The following GLTP variants were observed in gnomAD, a reference collection of about 807,000 sequenced individuals.
The protein encoded by GLTP is glycolipid transfer protein.
GLTP carries 22 observed loss-of-function variants against 24.0 expected under a neutral mutation model. The ratio of observed to expected loss-of-function variants is 0.92; its 90% CI spans 0.65 to 1.31. GLTP has a LOEUF of 1.31. Ranked by LOEUF, GLTP falls within the 50% of genes most tolerant of loss-of-function variation. GLTP has a pLI of 0.00. For synonymous variants in GLTP, 92 were observed against 115.9 expected, an observed-to-expected ratio of 0.79 and a Z score of 1.33; for missense variants, 224 against 276.6, an observed-to-expected ratio of 0.81 and a Z score of 1.35.
chr12:109,851,294 T>C lies in GLTP; in HGVS notation c.*1261A>G, dbSNP rs755804683. The C allele has an allele frequency of 6.6e-5, 10 of 152,392 alleles. No homozygotes were observed. Among genetic ancestry groups the C allele is most frequent in the African/African-American group, 2.2e-4 (9 of 41,430 alleles). The allele number at this position is 152,392 out of a possible 1,614,324, so 9.4% of individuals were successfully genotyped here. On this transcript the variant is annotated 3_prime_UTR_variant, in exon 5 of 5. Transcript: ENST00000318348. ...TCTATGGTCAATTGTTTGTGCCCTA[T>C]AGCTTTGAAAGAAACGCCTCTTGGT... is the stretch of plus-strand genomic sequence containing the variant.
chr12:109,866,917 G>C (rs1868546149), intron 1 of GLTP, among the ~76,000 whole-genome samples: 1 of 143,292 alleles, frequency 7.0e-6, no homozygotes, highest in Admixed American at 7.4e-5. Context: ...GCACCACCAT[G>C]CTGGGCTAAT....
chr12:109,859,665 TA>T (rs1054390200), intron 1 of GLTP: 16 of 151,124 alleles, frequency 1.1e-4, no homozygotes, highest in African/African-American at 3.9e-4. Context: ...AATAAGGATA[TA>T]AAGAATTTTT....
rs1332019133 is a variant in GLTP, at chr12:109,851,590, C to T, written c.*965G>A. The stretch of plus-strand genomic sequence containing the variant: ...ATACAGCGAGAGCCTCATAAGGTCA[C>T]GTGCTTTTTTTTCTTTTTTTTCTTT... On this transcript the variant is annotated 3_prime_UTR_variant, in exon 5 of 5. Transcript: ENST00000318348. 1.3e-5 allele frequency: 2 copies of T among 152,038 alleles called. No individual in the cohort carries two copies. Among genetic ancestry groups the T allele is most frequent in the Admixed American group, 6.6e-5 (1 of 15,242 alleles). The allele number at this position is 152,038 out of a possible 1,614,324, so 9.4% of individuals were successfully genotyped here.
In GLTP at chr12:109,878,096, A is replaced by C. The variant is rs866167221; in HGVS notation, c.103+2176T>G. Reference sequence around the variant, plus strand: ...ACCCCACAGCACAGGGATTGCAACAAAGACAAGGGTCCTTTGAGACCAAGG... The same window carrying C: ...ACCCCACAGCACAGGGATTGCAACACAGACAAGGGTCCTTTGAGACCAAGG... On this transcript the variant is annotated intron_variant, in intron 1 of 4. Coordinates refer to ENST00000318348, the MANE Select transcript of GLTP (RefSeq NM_016433.4). 1.1e-4 allele frequency among the ~76,000 whole-genome samples: 17 copies of C among 152,272 alleles called. No individual in the cohort carries two copies. In the Middle Eastern group the frequency reaches 0.017, roughly 152 times the overall value.
intron 1 of GLTP, among the ~76,000 whole-genome samples, chr12:109,869,303 CAAA>C (rs140914540): frequency 4.1e-5 from 2 of 49,036 alleles, no homozygotes; most frequent in Non-Finnish European, 3.5e-5. Context: ...GGCTCTACCT[CAAA>C]AAAAAAAAAA....
intron 1 of GLTP, among the ~76,000 whole-genome samples, chr12:109,869,120 T>C (rs185675007): frequency 1.3e-5 from 2 of 151,966 alleles, no homozygotes; most frequent in Admixed American, 6.6e-5. Context: ...GCCAACATAG[T>C]GTGAACCCGT....
chr12:109,878,538 C>T (rs1242861664), intron 1 of GLTP, among the ~76,000 whole-genome samples: 1 of 152,074 alleles, frequency 6.6e-6, no homozygotes, highest in Non-Finnish European at 1.5e-5. Context: ...GATTCTGAAT[C>T]CCTGTCCAGG....
rs140738777 is a variant in GLTP, at chr12:109,878,603, C to CA, written c.103+1668dup. 2.0e-3 allele frequency among the ~76,000 whole-genome samples: 292 copies of CA among 144,220 alleles called. 2 individuals are homozygous for CA. The East Asian group carries it at 0.023, about 11-fold the overall frequency. 94.6% of individuals were successfully genotyped at this position (144,220 alleles called of 152,430 possible). A position where few individuals can be genotyped will look rare whatever the true frequency, so the allele number is the denominator to read the frequency against. ...TGCAACCAAAGAGGAAACAAGCAAG[C>CA]AAAAAAAAAACAACAACAACCAACA... is the stretch of plus-strand genomic sequence containing the variant. On this transcript the variant is annotated intron_variant, in intron 1 of 4. Transcript: ENST00000318348.
At chr12:109,872,966 T>A (rs893637313) in intron 1 of GLTP, among the ~76,000 whole-genome samples, 4 of 152,230 alleles carry the variant, frequency 2.6e-5, no homozygotes, top group Non-Finnish European at 5.9e-5. Context: ...CCGCTTTGAA[T>A]GTGGCCCAAT....
At chr12:109,871,893 A>T (rs1868731676) in intron 1 of GLTP, among the ~76,000 whole-genome samples, 1 of 152,180 alleles carries the variant, frequency 6.6e-6, no homozygotes, top group South Asian at 2.1e-4. Context: ...GCCCCAAGGG[A>T]TTCACAGTGG....
chr12:109,856,025 C>T (rs1212446470), intron 3 of GLTP, among the ~76,000 whole-genome samples: 1 of 151,968 alleles, frequency 6.6e-6, no homozygotes, highest in African/African-American at 2.4e-5. Flanking sequence ...GTAAGATCCA[C>T]GAGGGGTGGG....
intron 4 of GLTP, among the ~76,000 whole-genome samples, chr12:109,853,581 G>A (rs1231532283): frequency 6.6e-6 from 1 of 151,126 alleles, no homozygotes; most frequent in African/African-American, 2.4e-5. Context: ...CCCACTACTC[G>A]GGAGGCTGAG....
In GLTP at chr12:109,880,407, C is replaced by T. The variant is rs749112289; in HGVS notation, c.-33G>A. ...TCGAGGCCCGCGGTGATGCCCCAGCCGGCGCCGCGGGCGTCGACACCGCCC... is the reference window on the plus strand; with the variant it reads ...TCGAGGCCCGCGGTGATGCCCCAGCTGGCGCCGCGGGCGTCGACACCGCCC... On this transcript the variant is annotated 5_prime_UTR_variant, in exon 1 of 5. Coordinates refer to ENST00000318348, the MANE Select transcript of GLTP (RefSeq NM_016433.4). This position sits in a 1 kb window ranked among gnomAD's most constrained non-coding sequence, Gnocchi z 5.1. The T allele has an allele frequency of 1.9e-6, 2 of 1,060,262 alleles. No homozygotes were observed. The highest frequency in any genetic ancestry group is 2.5e-6 in the Non-Finnish European group (2 of 788,246). The allele number at this position is 1,060,262 out of a possible 1,614,324, so 65.7% of individuals were successfully genotyped here.
intron 1 of GLTP, among the ~76,000 whole-genome samples, chr12:109,869,631 T>G (rs867663698): frequency 2.8e-4 from 42 of 150,406 alleles, no homozygotes; most frequent in Middle Eastern, 6.8e-3. Context: ...AATTTTTTTT[T>G]TTTTGTTTTT....
chr12:109,871,185 C>T (rs1043566568), intron 1 of GLTP, among the ~76,000 whole-genome samples: 4 of 149,892 alleles, frequency 2.7e-5, no homozygotes, highest in Non-Finnish European at 4.4e-5. Context: ...CTGGGTCAAG[C>T]GATTCTCCTG....
At position 109,858,699 on chromosome 12, in the gene GLTP, A is replaced by T. The variant is rs1485239986; in HGVS notation, c.146T>A (p.Ile49Lys). 1 of 1,613,212 alleles carries T rather than the reference A, an allele frequency of 6.2e-7. No individual in the cohort carries two copies. ...SPVFTPIKAD[I>K]SGNITKIKAV... ...GGTACATACCGTGATGTTGCCGCTT[A>T]TGTCTGCCTTGATGGGAGTAAACAC... Residue 49 changes from isoleucine to lysine, a missense_variant, in exon 2 of 5, where the codon ATA becomes AAA. Transcript: ENST00000318348.
Position 109,852,550 on chromosome 12 carries a change from C to A in GLTP, c.*5G>T. Reference sequence around the variant, plus strand: ...AGTCGGGGACGTGTCCAGCAGTGGGCATGCCTACACCTTGTAGTTAAGCTC... The same window carrying A: ...AGTCGGGGACGTGTCCAGCAGTGGGAATGCCTACACCTTGTAGTTAAGCTC... On this transcript the variant is annotated 3_prime_UTR_variant, in exon 5 of 5. Coordinates refer to ENST00000318348, the MANE Select transcript of GLTP (RefSeq NM_016433.4). 6.3e-7 allele frequency: 1 copy of A among 1,587,212 alleles called. No individual in the cohort carries two copies. Among genetic ancestry groups the A allele is most frequent in the Non-Finnish European group, 8.6e-7 (1 of 1,157,854 alleles).
intron 1 of GLTP, chr12:109,860,426 T>C (rs1296889992): frequency 4.8e-6 from 1 of 209,632 alleles, no homozygotes; most frequent in Non-Finnish European, 1.0e-5. Flanking sequence ...TGCACCTATG[T>C]GTGTTTTTAA....
chr12:109,858,710 G>C lies in GLTP; in HGVS notation c.135C>G (p.Ile45Met). ...TGATGTTGCCGCTTATGTCTGCCTTGATGGGAGTAAACACTGGGGACCCAA... is the reference window on the plus strand; with the variant it reads ...TGATGTTGCCGCTTATGTCTGCCTTCATGGGAGTAAACACTGGGGACCCAA... ...DCLGSPVFTP[I>M]KADISGNITK... is the part of the protein sequence containing the mutation. Residue 45 changes from isoleucine to methionine, a missense_variant, in exon 2 of 5, where the codon ATC becomes ATG. Physicochemically the swap from Ile to Met is conservative, Grantham distance 10. Coordinates refer to ENST00000318348, the MANE Select transcript of GLTP (RefSeq NM_016433.4). 6.2e-7 allele frequency: 1 copy of C among 1,612,976 alleles called. No homozygotes were observed. Among genetic ancestry groups the C allele is most frequent in the Non-Finnish European group, 8.5e-7 (1 of 1,178,966 alleles).
Sources: allele counts gnomAD v4.1 joint callset (sites outside exome capture counted in the v4.1 genomes callset), GRCh38; gene constraint gnomAD v4.1.1; non-coding constraint Gnocchi (gnomAD v3.1); transcripts MANE v1.5; gene names NCBI Gene and HGNC (gene_info 2026-07-23, HGNC 2026-07-21).